The following ENOX1 variants were observed in gnomAD, a reference collection of about 807,000 sequenced individuals.
ENOX1 encodes candidate growth-related and time keeping constitutive hydroquinone (NADH) oxidase.
ENOX1 carries 42 observed loss-of-function variants against 82.5 expected under a neutral mutation model. The ratio of observed to expected loss-of-function variants is 0.51; its 90% CI spans 0.40 to 0.66. The LOEUF is 0.66. Among genes scored for constraint, ENOX1 ranks in the 30% least tolerant of loss-of-function variants. The pLI, the probability that ENOX1 is intolerant of heterozygous loss-of-function variation, is 0.00. For missense variants in ENOX1, 608 were observed against 811.6 expected, an observed-to-expected ratio of 0.75 and a Z score of 3.05; for synonymous variants, 271 against 282.2, an observed-to-expected ratio of 0.96 and a Z score of 0.40.
chr13:43,470,333 TATATATAC>T, intron 3 of ENOX1, among the ~76,000 whole-genome samples: 2 of 35,834 alleles, frequency 5.6e-5, no homozygotes, highest in African/African-American at 1.9e-4. Flanking sequence ...TATATATGTA[TATATATAC>T]GTATATATAT....
intron 16 of ENOX1, among the ~76,000 whole-genome samples, chr13:43,221,839 C>A (rs2041806573): frequency 6.6e-6 from 1 of 152,100 alleles, no homozygotes; most frequent in South Asian, 2.1e-4. Flanking sequence ...CTGGGTGGAG[C>A]CTGCTTTCCC....
chr13:43,679,061 C>T (rs1236961952), intron 1 of ENOX1, among the ~76,000 whole-genome samples: 1 of 152,144 alleles, frequency 6.6e-6, no homozygotes, highest in Non-Finnish European at 1.5e-5. Flanking sequence ...GGCACTAATA[C>T]TCTCTTCATT....
At chr13:43,716,786 C>T (rs1375523347) in intron 1 of ENOX1, among the ~76,000 whole-genome samples, 1 of 29,566 alleles carries the variant, frequency 3.4e-5, no homozygotes, top group Non-Finnish European at 1.1e-4. Context: ...TTACAATACC[C>T]ACAAAAAAAA....
At chr13:43,709,875 T>G (rs1056963038) in intron 1 of ENOX1, among the ~76,000 whole-genome samples, 4 of 152,172 alleles carry the variant, frequency 2.6e-5, no homozygotes, top group African/African-American at 9.7e-5. Context: ...ATAATAATTT[T>G]TAAATCTCTT....
At chr13:43,579,605 T>A (rs2080611544) in intron 2 of ENOX1, among the ~76,000 whole-genome samples, 1 of 152,132 alleles carries the variant, frequency 6.6e-6, no homozygotes, top group Admixed American at 6.5e-5. Flanking sequence ...GATCTCCCCA[T>A]GAGACCACAA....
chr13:43,732,897 T>A (rs930226658), intron 1 of ENOX1, among the ~76,000 whole-genome samples: 7 of 152,224 alleles, frequency 4.6e-5, no homozygotes, highest in Admixed American at 2.0e-4. Flanking sequence ...AATATGGCAA[T>A]GTCAGTGCCC....
intron 14 of ENOX1, among the ~76,000 whole-genome samples, chr13:43,258,551 G>T (rs2043880160): frequency 6.6e-6 from 1 of 152,102 alleles, no homozygotes; most frequent in African/African-American, 2.4e-5. Context: ...TTTAATATGT[G>T]GACAGGGTAA....
At chr13:43,414,775 C>T (rs975474602) in intron 3 of ENOX1, among the ~76,000 whole-genome samples, 5 of 152,188 alleles carry the variant, frequency 3.3e-5, no homozygotes, top group Non-Finnish European at 7.3e-5. Context: ...CTCCTTCTAC[C>T]TCAGATTCTT....
intron 14 of ENOX1, among the ~76,000 whole-genome samples, chr13:43,248,179 C>T (rs2043249722): frequency 6.6e-6 from 1 of 151,614 alleles, no homozygotes; most frequent in South Asian, 2.1e-4. Flanking sequence ...GCCACCGCGC[C>T]CGGCCGCAAC....
intron 14 of ENOX1, among the ~76,000 whole-genome samples, chr13:43,260,968 G>A (rs1401362045): frequency 1.3e-5 from 2 of 152,208 alleles, no homozygotes; most frequent in Non-Finnish European, 2.9e-5. Flanking sequence ...AGGCATGAGC[G>A]TGAACTGCAC....
intron 2 of ENOX1, among the ~76,000 whole-genome samples, chr13:43,651,394 G>A (rs1009586891): frequency 1.3e-5 from 2 of 151,974 alleles, no homozygotes; most frequent in African/African-American, 4.8e-5. Flanking sequence ...TTCTCCTTGT[G>A]ATAAAAGACT....
intron 2 of ENOX1, among the ~76,000 whole-genome samples, chr13:43,596,309 A>G (rs942668831): frequency 6.6e-6 from 1 of 152,200 alleles, no homozygotes; most frequent in African/African-American, 2.4e-5. Context: ...TCTACATTTA[A>G]CACCACCACA....
At chr13:43,586,011 T>A (rs2080963982) in intron 2 of ENOX1, among the ~76,000 whole-genome samples, 1 of 152,244 alleles carries the variant, frequency 6.6e-6, no homozygotes, top group Non-Finnish European at 1.5e-5. Context: ...ATCTGAAATA[T>A]TTATCATTTC....
intron 2 of ENOX1, among the ~76,000 whole-genome samples, chr13:43,507,287 C>T (rs2077207713): frequency 6.6e-6 from 1 of 151,732 alleles, no homozygotes; most frequent in Non-Finnish European, 1.5e-5. Context: ...AAGAAATTTC[C>T]ACAAGTGAAG....
intron 16 of ENOX1, among the ~76,000 whole-genome samples, chr13:43,215,813 C>T (rs1184666453): frequency 3.9e-5 from 6 of 152,208 alleles, no homozygotes; most frequent in Non-Finnish European, 5.9e-5. Flanking sequence ...TCTGGAGATC[C>T]GGATTCAGCT....
chr13:43,344,517 G>A (rs2049259358), intron 9 of ENOX1, 21 bp downstream of exon 9: 1 of 1,583,650 alleles, frequency 6.3e-7, no homozygotes, highest in Admixed American at 1.7e-5. Flanking sequence ...CAAAAGAGAT[G>A]GCCCCCAAAA....
intron 16 of ENOX1, among the ~76,000 whole-genome samples, chr13:43,217,028 TGA>T (rs2041524403): frequency 6.6e-6 from 1 of 152,190 alleles, no homozygotes; most frequent in Admixed American, 6.5e-5. Context: ...ACTGAGGCCC[TGA>T]GAGACTCAGT....
In ENOX1 at chr13:43,451,173, C is replaced by T. The variant is rs570679456; in HGVS notation, c.-75+32836G>A. Among the ~76,000 whole-genome samples the T allele has an allele frequency of 3.3e-5, 5 of 152,198 alleles. No individual in the cohort carries two copies. In the South Asian group the frequency reaches 1.0e-3, roughly 32 times the overall value. On this transcript the variant is annotated intron_variant, in intron 3 of 16. Transcript: ENST00000690772. ...AGGAAAGGGGAAGGACCTTACATAC[C>T]GAGTCTTACCTTGGACCAGACGCTG...
At chr13:43,461,862 G>A (rs1319953408) in intron 3 of ENOX1, among the ~76,000 whole-genome samples, 1 of 152,206 alleles carries the variant, frequency 6.6e-6, no homozygotes, top group Non-Finnish European at 1.5e-5. Context: ...TGCTGAGCAA[G>A]GAAATGTAAT....
Sources: gnomAD v4.1 joint callset for allele counts (sites outside exome capture counted in the v4.1 genomes callset) on GRCh38, gnomAD v4.1.1 for gene constraint, MANE v1.5 for transcripts, NCBI Gene and HGNC (gene_info 2026-07-23, HGNC 2026-07-21) for gene names.